The following TBC1D3B variants were observed in gnomAD, a reference collection of about 807,000 sequenced individuals.
TBC1D3B encodes the protein TBC1 domain family member 3B, also known as Rab GTPase-activating protein PRC17 duplicate.
A neutral mutation model predicts 27.1 loss-of-function variants in TBC1D3B; 2 were observed. That is an observed-to-expected ratio of 0.07 (90% confidence interval 0.03 to 0.23). The LOEUF is 0.23. Ranked by LOEUF, TBC1D3B falls within the 10% of genes least tolerant of loss-of-function variation. The probability of loss-of-function intolerance (pLI) is 1.00; values close to 1 mark genes in which losing one functional copy is unlikely to be tolerated. For missense variants in TBC1D3B, 17 were observed against 401.3 expected (o/e 0.04, Z 8.18); for synonymous variants, 3 against 150.1 (o/e 0.02, Z 7.16).
chr17:36,171,521 G>C (rs1309410665), intron 7 of TBC1D3B, among the ~76,000 whole-genome samples: 3 of 151,124 alleles, frequency 2.0e-5, no homozygotes, highest in African/African-American at 7.3e-5. Flanking sequence ...GCCTGGGGGG[G>C]CTCATGGGCC....
intron 7 of TBC1D3B, among the ~76,000 whole-genome samples, chr17:36,171,268 G>A (rs1398917596): frequency 2.6e-5 from 4 of 150,966 alleles, no homozygotes; most frequent in African/African-American, 9.6e-5. Context: ...CGAAGGCTCC[G>A]TGTGTGAGTG....
rs1236908587 is a variant in TBC1D3B at position 36,167,040 on chromosome 17, G to T, written c.1082-477C>A. On this transcript the variant is annotated intron_variant, in intron 13 of 13. Transcript: ENST00000611257. ...ACTTCTGGCTGAACTCTTGGCTCTG[G>T]CTCTGGGCCCGGGGTCCCGCCTGTG... Among the ~76,000 whole-genome samples the T allele has an allele frequency of 4.4e-4, 46 of 104,032 alleles. 1 individual carries two copies. The highest frequency in any genetic ancestry group is 5.2e-3 in the Middle Eastern group (1 of 194). The allele number at this position is 104,032 out of a possible 152,430, so 68.2% of individuals were successfully genotyped here.
intron 13 of TBC1D3B, among the ~76,000 whole-genome samples, chr17:36,167,054 G>A (rs1476156374): frequency 5.7e-5 from 6 of 105,838 alleles, no homozygotes; most frequent in African/African-American, 1.0e-4. Context: ...TGGGCCCGGG[G>A]TCCCGCCTGT....
intron 10 of TBC1D3B, 61 bp downstream of exon 10, chr17:36,169,019 G>T (rs2068303898): frequency 3.8e-6 from 6 of 1,581,208 alleles, no homozygotes; most frequent in Middle Eastern, 2.2e-4. Flanking sequence ...CAGCCCCCCT[G>T]CTCCTACAGC....
chr17:36,169,376 A>G (rs1216659728), intron 9 of TBC1D3B, among the ~76,000 whole-genome samples: 3 of 149,204 alleles, frequency 2.0e-5, no homozygotes, highest in African/African-American at 7.3e-5. Flanking sequence ...GTTCCCCTGG[A>G]GGCCTCCTGG....
intron 9 of TBC1D3B, among the ~76,000 whole-genome samples, chr17:36,169,526 G>A (rs1427179525): frequency 8.7e-5 from 13 of 149,314 alleles, no homozygotes; most frequent in African/African-American, 2.9e-4. Flanking sequence ...CTGCCACCTG[G>A]GCTTGGTCGG....
intron 7 of TBC1D3B, among the ~76,000 whole-genome samples, chr17:36,170,916 C>T (rs1176872730): frequency 1.1e-5 from 1 of 88,134 alleles, no homozygotes; most frequent in African/African-American, 2.7e-5. Flanking sequence ...AACCAATGTG[C>T]AGAGTCTCCC....
chr17:36,165,689 C>T lies in TBC1D3B; in HGVS notation c.*306G>A. The T allele has an allele frequency of 1.1e-6, 1 of 891,634 alleles. No individual in the cohort carries two copies. Among genetic ancestry groups the T allele is most frequent in the South Asian group, 1.7e-5 (1 of 57,690 alleles). The allele number at this position is 891,634 out of a possible 1,614,324, so 55.2% of individuals were successfully genotyped here. A position where few individuals can be genotyped will look rare whatever the true frequency, so the allele number is the denominator to read the frequency against. ...TGTCTAAAATCTAAAAGCATTTCAA[C>T]AGGAAACATTTATTTCAAAACGTGA... On this transcript the variant is annotated 3_prime_UTR_variant, in exon 14 of 14. Coordinates refer to ENST00000611257, the MANE Select transcript of TBC1D3B (RefSeq NM_001001417.7).
intron 13 of TBC1D3B, among the ~76,000 whole-genome samples, chr17:36,167,003 C>G (rs1375744793): frequency 1.1e-5 from 1 of 93,356 alleles, no homozygotes; most frequent in East Asian, 2.3e-4. Flanking sequence ...CATGCCAGGA[C>G]TGACCGTTCC....
chr17:36,169,340 G>A (rs2068311992), intron 9 of TBC1D3B, among the ~76,000 whole-genome samples, 166 bp from the exon 10 acceptor site: 2 of 149,810 alleles, frequency 1.3e-5, no homozygotes, highest in Admixed American at 6.6e-5. Context: ...GGTGGGGCGG[G>A]AACATTCCCT....
In TBC1D3B at chr17:36,165,695, A is replaced by G. The variant is rs1383517304; in HGVS notation, c.*300T>C. 4.4e-6 allele frequency: 4 copies of G among 918,916 alleles called. No homozygotes were observed. The highest frequency in any genetic ancestry group is 6.5e-6 in the Non-Finnish European group (4 of 613,706). The allele number at this position is 918,916 out of a possible 1,614,324, so 56.9% of individuals were successfully genotyped here. A position where few individuals can be genotyped will look rare whatever the true frequency, so the allele number is the denominator to read the frequency against. On this transcript the variant is annotated 3_prime_UTR_variant, in exon 14 of 14. Transcript: ENST00000611257. ...AAATCTAAAAGCATTTCAACAGGAA[A>G]CATTTATTTCAAAACGTGAAGGTAG...
intron 9 of TBC1D3B, among the ~76,000 whole-genome samples, chr17:36,169,405 C>T (rs1168827293): frequency 2.0e-5 from 3 of 149,182 alleles, no homozygotes; most frequent in Non-Finnish European, 4.5e-5. Flanking sequence ...GCAAAAAGGG[C>T]AAGCCTGACT....
chr17:36,169,285 A>G, intron 9 of TBC1D3B, 111 bp from the exon 10 acceptor site: 1 of 1,548,924 alleles, frequency 6.5e-7, no homozygotes, highest in Non-Finnish European at 8.9e-7. Context: ...GGCTACTCCC[A>G]CCCTCCCATC....
chr17:36,170,832 A>G (rs2068337668), intron 7 of TBC1D3B, among the ~76,000 whole-genome samples: 2 of 88,562 alleles, frequency 2.3e-5, no homozygotes, highest in African/African-American at 5.4e-5. Context: ...TTTCACTCTG[A>G]ATGATTTTTT....
At chr17:36,169,573 C>A (rs1465002547) in intron 9 of TBC1D3B, among the ~76,000 whole-genome samples, 111 of 145,764 alleles carry the variant, frequency 7.6e-4, no homozygotes, top group Middle Eastern at 3.6e-3. Flanking sequence ...GGAGCCCGGG[C>A]AGCTGGAGGG....
At chr17:36,169,540 A>G (rs1265555738) in intron 9 of TBC1D3B, among the ~76,000 whole-genome samples, 7 of 148,636 alleles carry the variant, frequency 4.7e-5, no homozygotes, top group Non-Finnish European at 7.6e-5. Flanking sequence ...TGGTCGGCCC[A>G]TTCGTGGGCA....
chr17:36,169,525 G>A (rs1412749391), intron 9 of TBC1D3B, among the ~76,000 whole-genome samples: 2 of 149,372 alleles, frequency 1.3e-5, no homozygotes, highest in Admixed American at 1.3e-4. Flanking sequence ...GCTGCCACCT[G>A]GGCTTGGTCG....
chr17:36,169,428 C>T (rs1372372414), intron 9 of TBC1D3B, among the ~76,000 whole-genome samples: 2 of 149,410 alleles, frequency 1.3e-5, no homozygotes, highest in African/African-American at 4.8e-5. Context: ...CAGGCCACGA[C>T]AGGGTGGCCG....
chr17:36,169,563 G>A (rs2068319142), intron 9 of TBC1D3B, among the ~76,000 whole-genome samples: 1 of 147,002 alleles, frequency 6.8e-6, no homozygotes, highest in Non-Finnish European at 1.5e-5. Context: ...GATGGCAGCA[G>A]GAGCCCGGGC....
Sources: allele counts gnomAD v4.1 joint callset (sites outside exome capture counted in the v4.1 genomes callset), GRCh38; gene constraint gnomAD v4.1.1; transcripts MANE v1.5; gene names NCBI Gene and HGNC (gene_info 2026-07-23, HGNC 2026-07-21).